The following MCUB variants were observed in gnomAD, a reference collection of about 807,000 sequenced individuals.
MCUB encodes the protein calcium uniporter regulatory subunit MCUb, mitochondrial.
In MCUB, 46 loss-of-function variants were observed where a neutral mutation model predicts 41.4. That is an observed-to-expected ratio of 1.11 (90% confidence interval 0.88 to 1.42). MCUB has a LOEUF of 1.42. Among genes scored for constraint, MCUB ranks in the 40% most tolerant of loss-of-function variants. MCUB has a pLI of 0.00. For missense variants in MCUB, 403 were observed against 404.9 expected, an observed-to-expected ratio of 1.00 and a Z score of 0.04; for synonymous variants, 148 against 148.2, an observed-to-expected ratio of 1.00 and a Z score of 0.01.
At position 109,667,176 on chromosome 4, in the gene MCUB, T is replaced by A. The variant is rs547597993; in HGVS notation, c.451+2782T>A. 5.3e-5 allele frequency among the ~76,000 whole-genome samples: 8 copies of A among 152,290 alleles called. No homozygotes were observed. The South Asian group carries it at 1.2e-3, about 24-fold the overall frequency. On this transcript the variant is annotated intron_variant, in intron 4 of 7. Coordinates refer to ENST00000394650, the MANE Select transcript of MCUB (RefSeq NM_017918.5). ...GTAGATAATTAATATAGTTTCTTCC[T>A]TTGATGTTTGGTAGAATTCACCAAG...
At chr4:109,681,181 A>T (rs1729708099) in intron 4 of MCUB, among the ~76,000 whole-genome samples, 1 of 152,220 alleles carries the variant, frequency 6.6e-6, no homozygotes, top group African/African-American at 2.4e-5. Context: ...GGAATGAGTA[A>T]TTCTCAAAGA....
In MCUB at chr4:109,682,587, C is replaced by T. The variant is rs1323498405; in HGVS notation, c.457C>T (p.Pro153Ser). ...YDVQCPKREK[P>S]SNEHTAEMEH... is the part of the protein sequence containing the mutation. The stretch of plus-strand genomic sequence containing the variant: ...TCCCTTGTGTCTTTTCTCAGAAAAA[C>T]CAAGTAATGAGCACACTGCTGAGAT... The change falls in exon 5 of 8, where the codon CCA becomes TCA. Residue 153 changes from proline (P) to serine (S), a missense_variant. By Grantham distance (74) the Pro-to-Ser change is moderately conservative (BLOSUM62 -1). Transcript: ENST00000394650. 18 of 1,599,862 alleles carry T rather than the reference C, an allele frequency of 1.1e-5. No individual in the cohort carries two copies. In the East Asian group the frequency reaches 4.0e-4, roughly 36 times the overall value.
At chr4:109,605,271 A>G (rs1009659933) in intron 1 of MCUB, among the ~76,000 whole-genome samples, 1 of 152,106 alleles carries the variant, frequency 6.6e-6, no homozygotes, top group African/African-American at 2.4e-5. Context: ...TGTCCTTACT[A>G]ATTTCTTCAC....
At chr4:109,640,202 G>T (rs11945813) in intron 1 of MCUB, among the ~76,000 whole-genome samples, 1 of 152,228 alleles carries the variant, frequency 6.6e-6, no homozygotes, top group East Asian at 1.9e-4. Context: ...TATCGCAAGG[G>T]CGGGAGGGTG....
intron 1 of MCUB, among the ~76,000 whole-genome samples, chr4:109,609,265 A>G (rs947023584): frequency 1.2e-4 from 19 of 152,320 alleles, no homozygotes; most frequent in Non-Finnish European, 2.5e-4. Flanking sequence ...TACTCCATAG[A>G]CAGAGCAGCC....
Position 109,637,453 on chromosome 4 carries a change from T to C in MCUB, c.100-21558T>C, listed in dbSNP as rs1579076716. Among the ~76,000 whole-genome samples, 5 of 152,220 alleles carry C rather than the reference T, an allele frequency of 3.3e-5. No homozygotes were observed. In the South Asian group the frequency reaches 1.0e-3, roughly 32 times the overall value. On this transcript the variant is annotated intron_variant, in intron 1 of 7. Transcript: ENST00000394650. ...CGAAAAAGATACTTGCACACCCTTG[T>C]TTATTGCAGCACAATTTGCAATTGC...
chr4:109,654,437 C>G lies in MCUB; in HGVS notation c.100-4574C>G, dbSNP rs982340138. On this transcript the variant is annotated intron_variant, in intron 1 of 7. Transcript: ENST00000394650. Reference sequence around the variant, plus strand: ...ACCAGCCTGGCCAATATGGTGAAACCCCATCTCTACTAAAAATACAAAAAT... The same window carrying G: ...ACCAGCCTGGCCAATATGGTGAAACGCCATCTCTACTAAAAATACAAAAAT... Among the ~76,000 whole-genome samples the G allele has an allele frequency of 3.9e-5, 6 of 151,926 alleles. No individual in the cohort carries two copies. The South Asian group carries it at 1.3e-3, about 32-fold the overall frequency.
At chr4:109,672,338 C>G (rs2126148171) in intron 4 of MCUB, among the ~76,000 whole-genome samples, 1 of 152,250 alleles carries the variant, frequency 6.6e-6, no homozygotes, top group East Asian at 1.9e-4. Context: ...GATCTCTGAT[C>G]TTCACTGTGA....
chr4:109,599,386 C>T (rs197218), intron 1 of MCUB, among the ~76,000 whole-genome samples: 34,080 of 151,828 alleles, frequency 0.22, 4,672 homozygotes, highest in South Asian at 0.34. Context: ...CGACAGGAAA[C>T]AACTTTGCAA....
chr4:109,605,848 TTGGGGGGGTTCCATTAGCA>T (rs1727857166), intron 1 of MCUB, among the ~76,000 whole-genome samples: 1 of 152,226 alleles, frequency 6.6e-6, no homozygotes, highest in African/African-American at 2.4e-5. Flanking sequence ...TACTCCTTTT[TTGGGGGGGTTCCATTAGCA>T]TGGAATATCT....
At chr4:109,667,406 A>G (rs1488385900) in intron 4 of MCUB, among the ~76,000 whole-genome samples, 1 of 151,842 alleles carries the variant, frequency 6.6e-6, no homozygotes, top group Admixed American at 6.6e-5. Context: ...TTTCCTTTTA[A>G]TGTCCATGGG....
intron 4 of MCUB, among the ~76,000 whole-genome samples, chr4:109,674,915 A>G (rs1307139383): frequency 6.6e-6 from 1 of 152,274 alleles, no homozygotes; most frequent in Non-Finnish European, 1.5e-5. Context: ...CAAATTACCT[A>G]TAACGGATTT....
At chr4:109,670,324 T>C (rs1729427783) in intron 4 of MCUB, among the ~76,000 whole-genome samples, 1 of 142,886 alleles carries the variant, frequency 7.0e-6, no homozygotes, top group East Asian at 1.9e-4. Context: ...GTTGCTGAAG[T>C]TGGGTTTTTC....
At chr4:109,634,028 G>C (rs1728534410) in intron 1 of MCUB, among the ~76,000 whole-genome samples, 1 of 152,008 alleles carries the variant, frequency 6.6e-6, no homozygotes. Context: ...ATCTCACCAA[G>C]GAGAATTTAA....
At chr4:109,566,287 G>A (rs1726774829) in intron 1 of MCUB, among the ~76,000 whole-genome samples, 1 of 151,628 alleles carries the variant, frequency 6.6e-6, no homozygotes. Context: ...GGCTAACACG[G>A]TGAAACCCCG....
Position 109,660,252 on chromosome 4 carries a change from G to C in MCUB, c.233G>C (p.Arg78Thr). 1.9e-6 allele frequency: 3 copies of C among 1,602,798 alleles called. No individual in the cohort carries two copies. The South Asian group carries it at 3.3e-5, about 18-fold the overall frequency. Residue 78 changes from arginine to threonine, a missense_variant, in exon 3 of 8, where the codon AGA becomes ACA. Arg to Thr is a moderately conservative substitution (Grantham distance 71, BLOSUM62 -1). Transcript: ENST00000394650. ...TTGGTAACACTTACCTTGCCATCTA[G>C]AAAAGAACGTTGTCAATTCGTAGTC... ...LPLVTLTLPS[R>T]KERCQFVVKP...
At position 109,560,280 on chromosome 4, in the gene MCUB, CGGCTGAG is replaced by C; in HGVS notation, c.-55_-49del. On this transcript the variant is annotated 5_prime_UTR_variant, in exon 1 of 8. Transcript: ENST00000394650. ...AGCCACCAGGCGCTGACGAGGAGCC[CGGCTGAG>C]GGAGGATGCGCCGCTGACGCCTGCG... The C allele has an allele frequency of 1.1e-6, 1 of 892,878 alleles. No homozygotes were observed. The highest frequency in any genetic ancestry group is 1.5e-6 in the Non-Finnish European group (1 of 678,310). The allele number at this position is 892,878 out of a possible 1,614,324, so 55.3% of individuals were successfully genotyped here. A position where few individuals can be genotyped will look rare whatever the true frequency, so the allele number is the denominator to read the frequency against.
chr4:109,593,338 G>C (rs1047679080), intron 1 of MCUB, among the ~76,000 whole-genome samples: 2 of 152,162 alleles, frequency 1.3e-5, no homozygotes, highest in African/African-American at 4.8e-5. Flanking sequence ...AAGTAACCTT[G>C]GGAAAAGATA....
chr4:109,685,896 C>T (rs1039539029), intron 7 of MCUB, among the ~76,000 whole-genome samples: 3 of 152,212 alleles, frequency 2.0e-5, no homozygotes, highest in Admixed American at 6.5e-5. Flanking sequence ...CCAGTTATCT[C>T]TGGCCTCCCA....
Sources: gnomAD v4.1 joint callset for allele counts (sites outside exome capture counted in the v4.1 genomes callset) on GRCh38, gnomAD v4.1.1 for gene constraint, MANE v1.5 for transcripts, NCBI Gene and HGNC (gene_info 2026-07-23, HGNC 2026-07-21) for gene names.